Variants in MTCL1 observed in about 807,000 individuals in gnomAD.
MTCL1 encodes the protein microtubule crosslinking factor 1.
Under a neutral mutation model 141.4 loss-of-function variants are expected in MTCL1, and 79 were observed. The observed-to-expected ratio is 0.56, with a 90% CI of 0.47 to 0.67. The LOEUF (loss-of-function observed/expected upper bound fraction) is 0.67. Among genes scored for constraint, MTCL1 ranks in the 30% least tolerant of loss-of-function variants. The pLI is 0.00. For synonymous variants in MTCL1, 914 were observed against 875.8 expected, an observed-to-expected ratio of 1.04 and a Z score of -0.77; for missense variants, 2,177 against 2,113.9, an observed-to-expected ratio of 1.03 and a Z score of -0.59.
intron 1 of MTCL1, among the ~76,000 whole-genome samples, chr18:8,708,803 G>C (rs2096071492): frequency 6.6e-6 from 1 of 152,216 alleles, no homozygotes; most frequent in Non-Finnish European, 1.5e-5. Flanking sequence ...TGTGGGGACT[G>C]TTCAGTTGCC....
chr18:8,726,098 C>T (rs1395706918), intron 4 of MTCL1, among the ~76,000 whole-genome samples: 3 of 138,734 alleles, frequency 2.2e-5, no homozygotes, highest in African/African-American at 5.3e-5. Flanking sequence ...GTCTTGATAC[C>T]GTATTTTTAA....
intron 7 of MTCL1, 31 bp downstream of exon 6, chr18:8,786,122 G>GC: frequency 2.1e-6 from 1 of 484,718 alleles, no homozygotes. Context: ...CCCCCCCCCC[G>GC]CCCTCCCCCT....
intron 11 of MTCL1, chr18:8,809,323 A>G: frequency 8.1e-7 from 1 of 1,233,114 alleles, no homozygotes; most frequent in African/African-American, 1.5e-5. Flanking sequence ...TTCCACTAAA[A>G]TTTAGCATGT....
chr18:8,710,148 AT>A (rs557752473), intron 1 of MTCL1, among the ~76,000 whole-genome samples: 1 of 152,142 alleles, frequency 6.6e-6, no homozygotes, highest in Non-Finnish European at 1.5e-5. Context: ...CCTGGCCTGT[AT>A]TTTTTTAAAT....
intron 4 of MTCL1, among the ~76,000 whole-genome samples, chr18:8,736,691 G>A (rs1598436025): frequency 6.9e-6 from 1 of 145,276 alleles, no homozygotes; most frequent in Admixed American, 7.1e-5. Flanking sequence ...AGGCTGGAGT[G>A]CAGTGGCTGG....
chr18:8,816,055 C>T (rs903658255), intron 12 of MTCL1, among the ~76,000 whole-genome samples: 1 of 152,136 alleles, frequency 6.6e-6, no homozygotes, highest in Non-Finnish European at 1.5e-5. Context: ...GTGCCCCATC[C>T]GGAAATTGAG....
At chr18:8,750,920 G>A (rs1026715981) in intron 4 of MTCL1, among the ~76,000 whole-genome samples, 2 of 152,188 alleles carry the variant, frequency 1.3e-5, no homozygotes, top group Non-Finnish European at 2.9e-5. Context: ...TTCTCTGGAT[G>A]CGTTGATAAA....
chr18:8,804,582 TC>T (rs771213528), intron 10 of MTCL1, among the ~76,000 whole-genome samples: 5 of 152,210 alleles, frequency 3.3e-5, no homozygotes, highest in Non-Finnish European at 5.9e-5. Flanking sequence ...GCCGAGTTCT[TC>T]AAATGTTAAC....
chr18:8,742,497 G>A (rs748418344), intron 4 of MTCL1, among the ~76,000 whole-genome samples: 1 of 152,222 alleles, frequency 6.6e-6, no homozygotes, highest in Non-Finnish European at 1.5e-5. Context: ...AGAAGTGAGA[G>A]CTGAGCAAAG....
exon 15 of MTCL1, chr18:8,824,734 G>C: frequency 1.9e-6 from 3 of 1,613,862 alleles, no homozygotes; most frequent in Non-Finnish European, 2.5e-6. Context: ...GAGTTCCAGC[G>C]TCTAATGGAC....
chr18:8,733,465 G>A (rs2096261331), intron 4 of MTCL1, among the ~76,000 whole-genome samples: 1 of 152,118 alleles, frequency 6.6e-6, no homozygotes, highest in Non-Finnish European at 1.5e-5. Context: ...GAGTGAAGTG[G>A]CGTGATCTTG....
chr18:8,804,053 T>C (rs761126660), intron 10 of MTCL1, among the ~76,000 whole-genome samples: 1 of 152,192 alleles, frequency 6.6e-6, no homozygotes, highest in African/African-American at 2.4e-5. Context: ...TGGATCAAAA[T>C]TATTATAATT....
intron 8 of MTCL1, among the ~76,000 whole-genome samples, chr18:8,795,535 T>TA (rs1457080372): frequency 6.6e-6 from 1 of 152,226 alleles, no homozygotes; most frequent in Non-Finnish European, 1.5e-5. Flanking sequence ...CGGGGGTGTT[T>TA]AAAAAACAGG....
chr18:8,789,742 G>T, intron 7 of MTCL1: 2 of 978,734 alleles, frequency 2.0e-6, no homozygotes, highest in Non-Finnish European at 2.4e-6. Flanking sequence ...CAAAAAAAGG[G>T]TTTTTTTTAG....
intron 3 of MTCL1, 24 bp downstream of exon 2, chr18:8,718,672 A>G (rs776263391): frequency 6.2e-7 from 1 of 1,608,358 alleles, no homozygotes; most frequent in South Asian, 1.1e-5. Flanking sequence ...TGGTGCGTGC[A>G]CCTCGCAAGG....
intron 4 of MTCL1, among the ~76,000 whole-genome samples, chr18:8,753,238 A>G (rs2096380892): frequency 6.6e-6 from 1 of 152,262 alleles, no homozygotes; most frequent in Non-Finnish European, 1.5e-5. Flanking sequence ...TTCCACTGTT[A>G]GAGGCATGGC....
intron 4 of MTCL1, among the ~76,000 whole-genome samples, chr18:8,761,704 G>A (rs931460021): frequency 9.2e-5 from 14 of 152,174 alleles, no homozygotes; most frequent in African/African-American, 3.4e-4. Flanking sequence ...AAGGTGAAAG[G>A]CACATCTTAC....
chr18:8,711,810 G>A (rs2096094292), intron 1 of MTCL1, among the ~76,000 whole-genome samples: 1 of 151,938 alleles, frequency 6.6e-6, no homozygotes, highest in African/African-American at 2.4e-5. Context: ...AGATGAGTAG[G>A]TTGCAAAAAT....
intron 4 of MTCL1, among the ~76,000 whole-genome samples, chr18:8,737,104 C>T (rs984191030): frequency 2.0e-5 from 3 of 152,196 alleles, no homozygotes; most frequent in African/African-American, 4.8e-5. Flanking sequence ...CTATGAGCTG[C>T]ACTGGATATT....
Sources: allele counts gnomAD v4.1 joint callset (sites outside exome capture counted in the v4.1 genomes callset), GRCh38; gene constraint gnomAD v4.1.1; transcripts MANE v1.5; gene names NCBI Gene and HGNC (gene_info 2026-07-23, HGNC 2026-07-21).